The following RUFY4 variants were observed in gnomAD, a reference collection of about 807,000 sequenced individuals.
The protein encoded by RUFY4 is RUN and FYVE domain-containing protein 4.
RUFY4 carries 73 observed loss-of-function variants against 69.0 expected under a neutral mutation model. The ratio of observed to expected loss-of-function variants is 1.06; its 90% CI spans 0.88 to 1.29. RUFY4 has a LOEUF of 1.29. RUFY4 is among the 50% of genes most tolerant of loss of function. The pLI, the probability that RUFY4 is intolerant of heterozygous loss-of-function variation, is 0.00. For synonymous variants in RUFY4, 287 were observed against 271.8 expected (o/e 1.06, Z -0.55); for missense variants, 770 against 705.6 (o/e 1.09, Z -1.03).
intron 8 of RUFY4, among the ~76,000 whole-genome samples, chr2:218,077,723 C>A (rs1378655399): frequency 6.6e-6 from 1 of 152,212 alleles, no homozygotes; most frequent in African/African-American, 2.4e-5. Flanking sequence ...CACTAGGAAG[C>A]CTTCTGGCTG....
At position 218,089,398 on chromosome 2, in the gene RUFY4, A is replaced by C. The variant is rs769900216; in HGVS notation, c.1613+36A>C. On this transcript the variant is annotated intron_variant, in intron 10 of 10. Coordinates refer to ENST00000344321, the Ensembl canonical transcript of RUFY4. ...GGGCACAGAATCCTCCCTCTGGGAC[A>C]GCCCAGTTTCCACCAGCTGACAGCC... The C allele has an allele frequency of 4.4e-6, 7 of 1,581,314 alleles. No individual in the cohort carries two copies. In the South Asian group the frequency reaches 7.9e-5, roughly 18 times the overall value.
At chr2:218,083,195 G>A in exon 9 of RUFY4, 1 of 1,613,662 alleles carries the variant, frequency 6.2e-7, no homozygotes, top group Non-Finnish European at 8.5e-7. Context: ...GTACCAGGAG[G>A]AGCTTGGAGG....
At chr2:218,040,151 C>T (rs894042061) in intron 2 of RUFY4, among the ~76,000 whole-genome samples, 1 of 152,150 alleles carries the variant, frequency 6.6e-6, no homozygotes, top group Non-Finnish European at 1.5e-5. Flanking sequence ...AGTGATCATC[C>T]ATAGAGTGGA....
chr2:218,084,143 CAT>C (rs1159805014), intron 9 of RUFY4, among the ~76,000 whole-genome samples: 1 of 152,156 alleles, frequency 6.6e-6, no homozygotes, highest in Non-Finnish European at 1.5e-5. Context: ...AGTTCACATA[CAT>C]ATGTTATCCT....
chr2:218,061,922 T>C (rs1689204311), intron 3 of RUFY4, among the ~76,000 whole-genome samples: 1 of 152,348 alleles, frequency 6.6e-6, no homozygotes, highest in East Asian at 1.9e-4. Flanking sequence ...TGAATCTCTT[T>C]GTGCACCCTT....
At chr2:218,048,988 A>T (rs1688886858) in intron 2 of RUFY4, among the ~76,000 whole-genome samples, 1 of 152,210 alleles carries the variant, frequency 6.6e-6, no homozygotes, top group Admixed American at 6.5e-5. Context: ...GTAATATTTA[A>T]TCATGAATTT....
chr2:218,087,171 A>G (rs938663680), intron 9 of RUFY4, among the ~76,000 whole-genome samples: 57 of 152,134 alleles, frequency 3.7e-4, no homozygotes, highest in African/African-American at 1.3e-3. Flanking sequence ...CCTTAACAAT[A>G]TTATGTATAG....
rs532161357 is a variant in RUFY4 at position 218,075,749 on chromosome 2, A to G, written c.1248+9A>G. On this transcript the variant is annotated intron_variant, in intron 7 of 10. Transcript: ENST00000344321. ...TGCAGGACGAGATCAAGGTGAGAAC[A>G]GTTGAGCTCCATACCTGGTTATTTG... The G allele has an allele frequency of 1.1e-5, 16 of 1,405,786 alleles. No homozygotes were observed. Among genetic ancestry groups the G allele is most frequent in the African/African-American group, 2.9e-5 (2 of 69,002 alleles). 87.1% of individuals were successfully genotyped at this position (1,405,786 alleles called of 1,614,324 possible). A position where few individuals can be genotyped will look rare whatever the true frequency, so the allele number is the denominator to read the frequency against.
At chr2:218,088,882 T>G (rs1422919054) in intron 9 of RUFY4, among the ~76,000 whole-genome samples, 1 of 151,924 alleles carries the variant, frequency 6.6e-6, no homozygotes, top group East Asian at 1.9e-4. Flanking sequence ...TCTCTCCCTC[T>G]ATATATCTCT....
chr2:218,074,018 GC>G, intron 6 of RUFY4, 133 bp downstream of exon 8: 2 of 886,166 alleles, frequency 2.3e-6, no homozygotes, highest in Non-Finnish European at 3.7e-6. Flanking sequence ...AGAGCAAGAG[GC>G]CAGTGTGTGG....
intron 2 of RUFY4, among the ~76,000 whole-genome samples, chr2:218,045,704 C>T (rs1688810125): frequency 1.3e-5 from 2 of 152,114 alleles, no homozygotes; most frequent in Middle Eastern, 3.2e-3. Flanking sequence ...ATAGCATAAT[C>T]TTAGTTATCA....
chr2:218,080,577 C>A (rs765182561), intron 8 of RUFY4, among the ~76,000 whole-genome samples: 56 of 152,192 alleles, frequency 3.7e-4, no homozygotes, highest in Non-Finnish European at 6.6e-4. Flanking sequence ...ATGGGGCCAT[C>A]TTTCCAAGCA....
At chr2:218,070,381 C>A (rs1689455841), upstream of RUFY4, 4 of 603,840 alleles carry the variant, frequency 6.6e-6, no homozygotes, top group Non-Finnish European at 1.2e-5. Context: ...CCAGGGACTG[C>A]TCAATCGGTG....
At chr2:218,046,065 A>G (rs1688820941) in intron 2 of RUFY4, among the ~76,000 whole-genome samples, 1 of 152,108 alleles carries the variant, frequency 6.6e-6, no homozygotes, top group Non-Finnish European at 1.5e-5. Context: ...TCGGCCTCCC[A>G]AAGTGCTGGG....
At chr2:218,051,588 A>C (rs1268344981) in intron 2 of RUFY4, among the ~76,000 whole-genome samples, 2 of 139,054 alleles carry the variant, frequency 1.4e-5, no homozygotes, top group Non-Finnish European at 3.1e-5. Context: ...AAAAAAAAAA[A>C]CACAGAAAAG....
At chr2:218,046,702 C>T (rs1688838227) in intron 2 of RUFY4, among the ~76,000 whole-genome samples, 1 of 152,154 alleles carries the variant, frequency 6.6e-6, no homozygotes, top group African/African-American at 2.4e-5. Flanking sequence ...TTCTAGAACA[C>T]TCATCAATGA....
chr2:218,041,598 A>T (rs1004536157), intron 2 of RUFY4, among the ~76,000 whole-genome samples: 4 of 152,246 alleles, frequency 2.6e-5, no homozygotes, highest in African/African-American at 9.6e-5. Flanking sequence ...CCAAAAAAAA[A>T]AAAAATGATT....
chr2:218,076,142 G>A (rs1171776173), intron 7 of RUFY4, among the ~76,000 whole-genome samples: 3 of 152,182 alleles, frequency 2.0e-5, no homozygotes, highest in Non-Finnish European at 4.4e-5. Flanking sequence ...TGCTTCTCCT[G>A]GAGGTCACTC....
chr2:218,047,847 T>C (rs1426141040), intron 2 of RUFY4, among the ~76,000 whole-genome samples: 1 of 152,224 alleles, frequency 6.6e-6, no homozygotes, highest in Non-Finnish European at 1.5e-5. Context: ...ACGGAAATGA[T>C]CTAGATACTT....
Sources: gnomAD v4.1 joint callset for allele counts (sites outside exome capture counted in the v4.1 genomes callset) on GRCh38, gnomAD v4.1.1 for gene constraint, MANE v1.5 for transcripts, NCBI Gene and HGNC (gene_info 2026-07-23, HGNC 2026-07-21) for gene names.